The following P2RX2 variants were observed in gnomAD, a reference collection of about 807,000 sequenced individuals.
P2RX2 encodes P2X purinoceptor 2.
P2RX2 carries 50 observed loss-of-function variants against 54.8 expected under a neutral mutation model. The observed-to-expected ratio is 0.91, with a 90% CI of 0.73 to 1.15. The LOEUF is 1.15. Among genes scored for constraint, P2RX2 ranks in the 50% most tolerant of loss-of-function variants. P2RX2 has a pLI of 0.00. For missense variants in P2RX2, 658 were observed against 633.2 expected (o/e 1.04, Z -0.42); for synonymous variants, 289 against 259.4 (o/e 1.11, Z -1.09).
At chr12:132,620,400 A>G in intron 6 of P2RX2, 45 bp from the exon 7 acceptor site, 1 of 1,613,944 alleles carries the variant, frequency 6.2e-7, no homozygotes, top group Non-Finnish European at 8.5e-7. Flanking sequence ...CCTTCTGGGA[A>G]TGGGGTATTT....
Position 132,620,845 on chromosome 12 carries a change from A to G in P2RX2, c.775-156A>G, listed in dbSNP as rs575026976. The stretch of plus-strand genomic sequence containing the variant: ...CCCTGAGCTGCCCCATGGGCCCCTC[A>G]GTGCACACCTCACATGCAGCCTGGG... On this transcript the variant is annotated intron_variant, in intron 7 of 10. Transcript: ENST00000643471. 2.6e-5 allele frequency among the ~76,000 whole-genome samples: 4 copies of G among 151,872 alleles called. 1 individual carries two copies. The highest frequency in any genetic ancestry group is 9.7e-5 in the African/African-American group (4 of 41,374).
rs773157753 is a variant in P2RX2, at chr12:132,621,877, A to C, written c.1321A>C (p.Ile441Leu). ...PAFPPLRPCP[I>L]SAPSEQMVDT... ...CTTCCCGCCCCTGCGGCCTTGCCCC[A>C]TCTCTGCCCCTTCTGAGCAGATGGT... The change falls in exon 11 of 11, where the codon ATC (isoleucine) becomes CTC (leucine). Residue 441 changes from isoleucine to leucine, a missense_variant. Transcript: ENST00000643471. The C allele has an allele frequency of 3.1e-6, 5 of 1,613,370 alleles. No homozygotes were observed. The highest frequency in any genetic ancestry group is 4.2e-6 in the Non-Finnish European group (5 of 1,179,938).
Position 132,619,741 on chromosome 12 carries a change from C to T in P2RX2, c.372C>T (p.Thr124=). The part of the protein sequence containing the change: ...VEATHSQTQG[T]CPESIRVHNA... ...CCACCCACTCCCAGACCCAGGGAAC[C>T]TGCCCCGAGGTGAGGGGATCCCGCG... Residue 124 remains threonine, a synonymous_variant, in exon 3 of 11, where the codon ACC becomes ACT. Coordinates refer to ENST00000643471, the MANE Select transcript of P2RX2 (RefSeq NM_170682.4). The T allele has an allele frequency of 6.2e-7, 1 of 1,609,080 alleles. No homozygotes were observed. The highest frequency in any genetic ancestry group is 1.1e-5 in the South Asian group (1 of 90,782).
chr12:132,619,010 G>A (rs758467096), intron 1 of P2RX2, 21 bp downstream of exon 1: 2 of 1,200,172 alleles, frequency 1.7e-6, no homozygotes, highest in East Asian at 7.0e-5. Flanking sequence ...CGCGGGGTGC[G>A]GGGCGCGGGG....
chr12:132,620,410 TG>T (rs1404925163), intron 6 of P2RX2, 34 bp from the exon 7 acceptor site: 1 of 1,613,970 alleles, frequency 6.2e-7, no homozygotes, highest in African/African-American at 1.3e-5. Context: ...ATGGGGTATT[TG>T]GGGTGCAGGT....
At chr12:132,620,883 TCTCG>T in intron 7 of P2RX2, 114 bp from the exon 8 acceptor site, 7 of 712,800 alleles carry the variant, frequency 9.8e-6, no homozygotes, top group Non-Finnish European at 1.1e-5. Flanking sequence ...TGACCCGGGC[TCTCG>T]AGGGGCCTCT....
intron 7 of P2RX2, among the ~76,000 whole-genome samples, 162 bp from the exon 8 acceptor site, chr12:132,620,839 C>A (rs2138380330): frequency 6.6e-6 from 1 of 152,116 alleles, no homozygotes; most frequent in African/African-American, 2.4e-5. Flanking sequence ...GCCCCATGGG[C>A]CCCTCAGTGC....
At chr12:132,619,653 C>T (rs113120775) in intron 2 of P2RX2, 26 bp from the exon 3 acceptor site, 1 of 1,582,456 alleles carries the variant, frequency 6.3e-7, no homozygotes, top group Non-Finnish European at 8.6e-7. Context: ...GCCGCCTGGC[C>T]GACCGCCCCC....
Position 132,622,325 on chromosome 12 carries a change from A to C in P2RX2, c.*353A>C. The C allele has an allele frequency of 1.4e-6, 1 of 700,824 alleles. No individual in the cohort carries two copies. Among genetic ancestry groups the C allele is most frequent in the Non-Finnish European group, 2.0e-6 (1 of 510,970 alleles). The allele number at this position is 700,824 out of a possible 1,614,324, so 43.4% of individuals were successfully genotyped here. On this transcript the variant is annotated 3_prime_UTR_variant, in exon 11 of 11. Transcript: ENST00000643471. ...CCACCCCACAGGCGTTGTAACCTTG[A>C]ATCTGCCCAGACTCTTCCCTTAGAA... is the stretch of plus-strand genomic sequence containing the variant.
At position 132,621,612 on chromosome 12, in the gene P2RX2, GC is replaced by G; in HGVS notation, c.1063-3del. 6.2e-7 allele frequency: 1 copy of G among 1,612,758 alleles called. No individual in the cohort carries two copies. Among genetic ancestry groups the G allele is most frequent in the Non-Finnish European group, 8.5e-7 (1 of 1,179,356 alleles). ...GGCCCTTACACACCGGTCTCTGCTG[GC>G]CCCAGGGCTCCTTCCTGTGCGACTG... is the stretch of plus-strand genomic sequence containing the variant. On this transcript the variant is annotated splice_polypyrimidine_tract_variant and splice_region_variant and intron_variant, in intron 10 of 10. Transcript: ENST00000643471.
chr12:132,620,881 G>C, intron 7 of P2RX2, 120 bp from the exon 8 acceptor site: 1 of 752,762 alleles, frequency 1.3e-6, no homozygotes, highest in Non-Finnish European at 1.7e-6. Context: ...ACTGACCCGG[G>C]CTCTCGAGGG....
rs573538348 is a variant in P2RX2, at chr12:132,620,641, C to T, written c.774+58C>T. ...TGGGCTCCCACCTGCACAGAGAGGGCCTGGGGTACAGGGGACCAGTCCCTC... is the reference window on the plus strand; with the variant it reads ...TGGGCTCCCACCTGCACAGAGAGGGTCTGGGGTACAGGGGACCAGTCCCTC... On this transcript the variant is annotated intron_variant, in intron 7 of 10. Transcript: ENST00000643471. 893 of 1,570,336 alleles carry T rather than the reference C, an allele frequency of 5.7e-4. 5 individuals carry two copies. In the African/African-American group the frequency reaches 0.011, roughly 19 times the overall value.
intron 7 of P2RX2, 80 bp downstream of exon 7, chr12:132,620,663 C>T (rs1428569357): frequency 1.7e-5 from 25 of 1,449,698 alleles, no homozygotes; most frequent in African/African-American, 2.8e-5. Flanking sequence ...GGGACCAGTC[C>T]CTCCTCCCTC....
chr12:132,620,655 GA>G, intron 7 of P2RX2, 72 bp downstream of exon 7: 2 of 1,503,074 alleles, frequency 1.3e-6, no homozygotes, highest in Non-Finnish European at 1.8e-6. Context: ...GGGTACAGGG[GA>G]CCAGTCCCTC....
intron 1 of P2RX2, 158 bp from the exon 2 acceptor site, chr12:132,619,281 G>A (rs1182785300): frequency 1.0e-5 from 6 of 598,156 alleles, no homozygotes; most frequent in Non-Finnish European, 1.5e-5. Flanking sequence ...GGGACCGGGG[G>A]CGCGGGGCAG....
At chr12:132,621,405 C>A in intron 9 of P2RX2, 60 bp downstream of exon 9, 1 of 1,605,468 alleles carries the variant, frequency 6.2e-7, no homozygotes, top group Non-Finnish European at 8.5e-7. Flanking sequence ...GAGCTCCTCA[C>A]GCCCCACCCC....
rs1376647761 is a variant in P2RX2 at position 132,622,357 on chromosome 12, A to G, written c.*385A>G. 7.1e-6 allele frequency: 3 copies of G among 419,692 alleles called. No homozygotes were observed. Among genetic ancestry groups the G allele is most frequent in the Non-Finnish European group, 1.1e-5 (3 of 275,360 alleles). 26.0% of individuals were successfully genotyped at this position (419,692 alleles called of 1,614,324 possible). On this transcript the variant is annotated 3_prime_UTR_variant, in exon 11 of 11. Coordinates refer to ENST00000643471, the MANE Select transcript of P2RX2 (RefSeq NM_170682.4). ...CCAGACTCTTCCCTTAGAAGTCACA[A>G]CATACTCAGTCCAATAAACCTGTGA... is the stretch of plus-strand genomic sequence containing the variant.
Position 132,620,898 on chromosome 12 carries a change from CG to C in P2RX2, c.775-102del. ...TGACCCGGGCTCTCGAGGGGCCTCT[CG>C]TGTGCCCTTGTGACCCCCTTCCCTG... On this transcript the variant is annotated intron_variant, in intron 7 of 10. Transcript: ENST00000643471. 35 of 267,590 alleles carry C rather than the reference CG, an allele frequency of 1.3e-4. 10 individuals carry two copies. Among genetic ancestry groups the C allele is most frequent in the East Asian group, 1.1e-3 (3 of 2,618 alleles). The allele number at this position is 267,590 out of a possible 1,614,324, so 16.6% of individuals were successfully genotyped here.
chr12:132,620,599 G>GCAGGGTGGGGC lies in P2RX2; in HGVS notation c.774+26_774+36dup, dbSNP rs749050205. The GCAGGGTGGGGC allele has an allele frequency of 1.2e-6, 2 of 1,610,076 alleles. No individual in the cohort carries two copies. Among genetic ancestry groups the GCAGGGTGGGGC allele is most frequent in the Non-Finnish European group, 1.7e-6 (2 of 1,179,540 alleles). ...CGCACACAAGGCAGGGCAAGCGCAGGCAGGGTGGGGCCAGGGTGGGCTCCC... is the reference window on the plus strand; with the variant it reads ...CGCACACAAGGCAGGGCAAGCGCAGGCAGGGTGGGGCCAGGGTGGGGCCAGGGTGGGCTCCC... On this transcript the variant is annotated intron_variant, in intron 7 of 10. Coordinates refer to ENST00000643471, the MANE Select transcript of P2RX2 (RefSeq NM_170682.4).
Sources: allele counts gnomAD v4.1 joint callset (sites outside exome capture counted in the v4.1 genomes callset), GRCh38; gene constraint gnomAD v4.1.1; transcripts MANE v1.5; gene names NCBI Gene and HGNC (gene_info 2026-07-23, HGNC 2026-07-21).